GPC3: variants seen among roughly 807,000 people sequenced by gnomAD.
GPC3 encodes the protein glypican 3, also known as glypican-3.
A neutral mutation model predicts 34.4 loss-of-function variants in GPC3; 3 were observed. The ratio of observed to expected loss-of-function variants is 0.09; its 90% confidence interval spans 0.04 to 0.23. GPC3 has a LOEUF of 0.23. Ranked by LOEUF, GPC3 falls within the 10% of genes least tolerant of loss-of-function variation. The pLI, the probability that GPC3 is intolerant of heterozygous loss-of-function variation, is 1.00. For synonymous variants in GPC3, 177 were observed against 174.0 expected, an observed-to-expected ratio of 1.02 and a Z score of -0.13; for missense variants, 351 against 445.6, an observed-to-expected ratio of 0.79 and a Z score of 1.91.
At chrX:133,664,836 C>T (rs1379971403) in intron 5 of GPC3, among the ~76,000 whole-genome samples, 2 of 107,576 alleles carry the variant, frequency 1.9e-5, no homozygotes, top group Non-Finnish European at 3.8e-5. Context: ...AATAGCCGGG[C>T]GTGGTGGTGC....
chrX:133,891,495 A>C (rs2076087078), intron 2 of GPC3, among the ~76,000 whole-genome samples: 1 of 110,591 alleles, frequency 9.0e-6, no homozygotes, highest in Non-Finnish European at 1.9e-5. Context: ...TGGGCCAGGC[A>C]TGGGAGCTTA....
rs1402157979 is a variant in GPC3 at position 133,536,066 on chromosome X, T to C, written c.*58A>G. On this transcript the variant is annotated 3_prime_UTR_variant, in exon 8 of 8. Coordinates refer to ENST00000370818, the MANE Select transcript of GPC3 (RefSeq NM_004484.4). ...AGAAAAAAATAAGAAAGTGGTTCCC[T>C]TTATCGAGGAAGACCACAGGGTGCT... 1.3e-5 allele frequency: 12 copies of C among 944,691 alleles called. No individual in the cohort carries two copies. In the Admixed American group the frequency reaches 2.8e-4, roughly 22 times the overall value. The allele number at this position is 944,691 out of a possible 1,213,427, so 77.9% of individuals were successfully genotyped here. A position where few individuals can be genotyped will look rare whatever the true frequency, so the allele number is the denominator to read the frequency against.
chrX:133,950,958 C>T (rs2076389725), intron 2 of GPC3, among the ~76,000 whole-genome samples: 1 of 109,992 alleles, frequency 9.1e-6, no homozygotes, highest in Non-Finnish European at 1.9e-5. Context: ...AGGTAAAGGG[C>T]ACTAGCAATA....
intron 2 of GPC3, among the ~76,000 whole-genome samples, chrX:133,839,564 T>C (rs866558823): frequency 9.0e-6 from 1 of 111,055 alleles, no homozygotes; most frequent in African/African-American, 3.3e-5. Context: ...AACACTGATA[T>C]GGTAGTTCTC....
At chrX:133,543,439 A>G (rs772253529) in intron 7 of GPC3, among the ~76,000 whole-genome samples, 17 of 112,141 alleles carry the variant, frequency 1.5e-4, no homozygotes, top group African/African-American at 4.5e-4. Context: ...CTTTCTGACA[A>G]ACAAATGAAT....
chrX:133,926,168 C>T (rs1361030370), intron 2 of GPC3, among the ~76,000 whole-genome samples: 6 of 111,742 alleles, frequency 5.4e-5, no homozygotes, highest in Admixed American at 9.5e-5. Context: ...TGAAAAAGGA[C>T]ACACAACTAA....
chrX:133,685,294 T>C (rs1169173854), intron 5 of GPC3, among the ~76,000 whole-genome samples: 2 of 111,767 alleles, frequency 1.8e-5, no homozygotes, highest in Non-Finnish European at 3.8e-5. Flanking sequence ...TGGGTGTTCA[T>C]GGTTCTCTCA....
At chrX:133,847,428 A>ACAT (rs2075851615) in intron 2 of GPC3, among the ~76,000 whole-genome samples, 6 of 112,277 alleles carry the variant, frequency 5.3e-5, no homozygotes, top group Admixed American at 1.9e-4. Context: ...TCTCAATTTC[A>ACAT]GGTCCCACTG....
intron 2 of GPC3, among the ~76,000 whole-genome samples, chrX:133,796,220 C>T (rs186857384): frequency 1.2e-4 from 13 of 111,949 alleles, no homozygotes; most frequent in African/African-American, 3.2e-4. Context: ...GCTGGGATTA[C>T]AGGCGTGAGC....
At chrX:133,697,384 C>T (rs1178161189) in intron 4 of GPC3, among the ~76,000 whole-genome samples, 1 of 111,614 alleles carries the variant, frequency 9.0e-6, no homozygotes, top group Admixed American at 9.6e-5. Flanking sequence ...TAAAGACTTG[C>T]CCATACTTTT....
intron 3 of GPC3, chrX:133,704,285 A>C: frequency 9.6e-7 from 1 of 1,038,086 alleles, no homozygotes; most frequent in Non-Finnish European, 1.3e-6. Flanking sequence ...TTGAAAAAAA[A>C]AAAAAGGTGA....
At chrX:133,615,628 T>C (rs1157672118) in intron 6 of GPC3, among the ~76,000 whole-genome samples, 1 of 108,762 alleles carries the variant, frequency 9.2e-6, no homozygotes, top group Non-Finnish European at 1.9e-5. Flanking sequence ...AGGAGAGGGA[T>C]AGCATTAGGA....
chrX:133,661,572 C>T (rs536190808), intron 6 of GPC3, among the ~76,000 whole-genome samples, 158 bp downstream of exon 6: 613 of 4,766 alleles, frequency 0.13, 11 homozygotes, highest in African/African-American at 0.24. Context: ...CTCTCTTTCT[C>T]TCTCTCTCTC....
At chrX:133,720,035 T>C (rs751154659) in intron 3 of GPC3, among the ~76,000 whole-genome samples, 1 of 111,896 alleles carries the variant, frequency 8.9e-6, no homozygotes, top group Non-Finnish European at 1.9e-5. Context: ...AGAATGGCCA[T>C]AATTTAAAAA....
intron 7 of GPC3, among the ~76,000 whole-genome samples, chrX:133,562,545 T>C (rs1192196832): frequency 1.8e-5 from 2 of 110,673 alleles, no homozygotes; most frequent in African/African-American, 6.6e-5. Flanking sequence ...GTACGAGAAT[T>C]GCTTGACCCC....
chrX:133,774,045 A>G lies in GPC3; in HGVS notation c.338-19869T>C, dbSNP rs181743617. On this transcript the variant is annotated intron_variant, in intron 2 of 7. Coordinates refer to ENST00000370818, the MANE Select transcript of GPC3 (RefSeq NM_004484.4). ...ATAAACTCATATAGGACATGTACAA[A>G]GCACAGGACTCAAGCAAATGTACAC... is the stretch of plus-strand genomic sequence containing the variant. 5.1e-3 allele frequency among the ~76,000 whole-genome samples: 569 copies of G among 112,494 alleles called. 3 individuals are homozygous for G. The highest frequency in any genetic ancestry group is 0.017 in the African/African-American group (536 of 31,017).
chrX:133,817,835 C>T (rs2075699794), intron 2 of GPC3, among the ~76,000 whole-genome samples: 1 of 108,508 alleles, frequency 9.2e-6, no homozygotes, highest in South Asian at 4.2e-4. Context: ...CTTTTCATTC[C>T]TGCTTCCCCC....
intron 2 of GPC3, among the ~76,000 whole-genome samples, chrX:133,824,776 TA>T (rs769200799): frequency 1.4e-4 from 16 of 111,107 alleles, no homozygotes; most frequent in East Asian, 1.1e-3. Context: ...AATTTAAAAT[TA>T]AAAAAAAAGT....
At chrX:133,730,200 A>G (rs1331172397) in intron 3 of GPC3, among the ~76,000 whole-genome samples, 1 of 111,931 alleles carries the variant, frequency 8.9e-6, no homozygotes, top group Non-Finnish European at 1.9e-5. Flanking sequence ...TTAAAAAAAC[A>G]ATGATTTGCA....
Sources: gnomAD v4.1 joint callset for allele counts (sites outside exome capture counted in the v4.1 genomes callset) on GRCh38, gnomAD v4.1.1 for gene constraint, MANE v1.5 for transcripts, NCBI Gene and HGNC (gene_info 2026-07-23, HGNC 2026-07-21) for gene names.